Variants in AATK observed in about 807,000 individuals in gnomAD.
The protein encoded by AATK is serine/threonine-protein kinase LMTK1.
A neutral mutation model predicts 114.3 loss-of-function variants in AATK; 91 were observed. That is an observed-to-expected ratio of 0.80 (90% CI 0.67 to 0.95). The LOEUF is 0.95. AATK is among the 40% of genes least tolerant of loss of function. AATK has a pLI of 0.00. For synonymous variants in AATK, 1,075 were observed against 916.5 expected, an observed-to-expected ratio of 1.17 and a Z score of -3.12; for missense variants, 2,176 against 1,965.2, an observed-to-expected ratio of 1.11 and a Z score of -2.03.
In AATK at chr17:81,123,156, C is replaced by A. The variant is rs772304503; in HGVS notation, c.1112+38G>T. ...GCCTGGGGATCAGGATACCCCATCT[C>A]GGCCTGGCTGTCCGGGACAGGGCAG... On this transcript the variant is annotated intron_variant, in intron 10 of 13. Coordinates refer to ENST00000326724, the MANE Select transcript of AATK (RefSeq NM_001080395.3). The A allele has an allele frequency of 2.2e-5, 31 of 1,402,620 alleles. No individual in the cohort carries two copies. The African/African-American group carries it at 4.5e-4, about 20-fold the overall frequency. The allele number at this position is 1,402,620 out of a possible 1,614,324, so 86.9% of individuals were successfully genotyped here.
At chr17:81,134,975 C>T (rs767796489) in intron 1 of AATK, among the ~76,000 whole-genome samples, 5 of 152,194 alleles carry the variant, frequency 3.3e-5, no homozygotes, top group Admixed American at 1.3e-4. Flanking sequence ...AAGGCCCTTC[C>T]AGCCTCTGAG....
In AATK at chr17:81,121,709, G is replaced by T. The variant is rs374375526; in HGVS notation, c.2227C>A (p.Pro743Thr). Residue 743 changes from proline (P) to threonine (T), a missense_variant, in exon 11 of 14, where the codon CCC becomes ACC. Physicochemically the swap from Pro to Thr is conservative, Grantham distance 38 (BLOSUM62 -1). Around this residue, in one of 4 missense-constraint regions of AATK, gnomAD observed 1,701 missense variants for 1,394.7 expected, o/e 1.22. Transcript: ENST00000326724. ...GCAGAGCATAGATGAGGGAGGCCGG[G>T]GCAGCAGCCTGGCTCCTGGGCAGAG... Reference protein sequence around the residue: ...AASAQEPGCCPGLPHLCSAQG... With the variant: ...AASAQEPGCCTGLPHLCSAQG... 2 of 1,494,172 alleles carry T rather than the reference G, an allele frequency of 1.3e-6. No individual in the cohort carries two copies. Among genetic ancestry groups the T allele is most frequent in the East Asian group, 2.4e-5 (1 of 41,314 alleles). The allele number at this position is 1,494,172 out of a possible 1,614,324, so 92.6% of individuals were successfully genotyped here. A position where few individuals can be genotyped will look rare whatever the true frequency, so the allele number is the denominator to read the frequency against.
chr17:81,125,144 G>A lies in AATK; in HGVS notation c.756-130C>T, dbSNP rs2060787942. 9.9e-6 allele frequency: 8 copies of A among 811,604 alleles called. No individual in the cohort carries two copies. In the Admixed American group the frequency reaches 1.3e-4, roughly 13 times the overall value. The allele number at this position is 811,604 out of a possible 1,614,324, so 50.3% of individuals were successfully genotyped here. A position where few individuals can be genotyped will look rare whatever the true frequency, so the allele number is the denominator to read the frequency against. On this transcript the variant is annotated intron_variant, in intron 7 of 13. Coordinates refer to ENST00000326724, the MANE Select transcript of AATK (RefSeq NM_001080395.3). ...GCACAGGGTCCTTTGCCAACACTTG[G>A]ATGGCTCACAGTCCAGGCTGGAAGG...
rs2060687786 is a variant in AATK, at chr17:81,120,639, C to G, written c.3297G>C (p.Gln1099His). The G allele has an allele frequency of 2.0e-6, 3 of 1,531,612 alleles. No individual in the cohort carries two copies. The highest frequency in any genetic ancestry group is 2.6e-6 in the Non-Finnish European group (3 of 1,143,648). The allele number at this position is 1,531,612 out of a possible 1,614,324, so 94.9% of individuals were successfully genotyped here. A position where few individuals can be genotyped will look rare whatever the true frequency, so the allele number is the denominator to read the frequency against. Residue 1099 changes from glutamine (Q) to histidine (H), a missense_variant, in exon 11 of 14, where the codon CAG becomes CAC. By Grantham distance (24) the Gln-to-His change is conservative. This residue lies in a region of AATK where 1,701 missense variants were observed against 1,394.7 expected (regional missense o/e 1.22). Transcript: ENST00000326724. ...GCGGAACCGGGGTCAGCAGGAAAAA[C>G]TGGGAGCAGCTGGGGCTGGGCCCAG... ...VRPGPSPSCS[Q>H]FFLLTPVPLR...
At chr17:81,138,084 G>A (rs1281192283) in intron 1 of AATK, among the ~76,000 whole-genome samples, 2 of 140,896 alleles carry the variant, frequency 1.4e-5, no homozygotes, top group Non-Finnish European at 3.1e-5. Flanking sequence ...CCACACCTGT[G>A]TGCACACACG....
intron 1 of AATK, among the ~76,000 whole-genome samples, chr17:81,138,808 G>A (rs1457076909): frequency 1.4e-5 from 2 of 144,540 alleles, no homozygotes; most frequent in African/African-American, 5.2e-5. Context: ...ACCCACTTGC[G>A]CGTGCACACC....
At chr17:81,119,876 A>G (rs2060674773) in intron 12 of AATK, 60 bp downstream of exon 12, 11 of 1,370,260 alleles carry the variant, frequency 8.0e-6, no homozygotes, top group East Asian at 3.0e-5. Flanking sequence ...CGCCTCCCAC[A>G]CAGCACGGAC....
intron 1 of AATK, among the ~76,000 whole-genome samples, chr17:81,139,294 G>A (rs946597139): frequency 6.6e-6 from 1 of 152,182 alleles, no homozygotes; most frequent in African/African-American, 2.4e-5. Flanking sequence ...TATCTCCTTG[G>A]GACCAGCCCC....
chr17:81,126,730 G>T lies in AATK; in HGVS notation c.622-170C>A, dbSNP rs1489277526. Reference sequence around the variant, plus strand: ...GGCCAGCACCCAGCAGTTCCTGGAGGGGGGCCGTGTCCCCCAGGGCTGGGC... The same window carrying T: ...GGCCAGCACCCAGCAGTTCCTGGAGTGGGGCCGTGTCCCCCAGGGCTGGGC... On this transcript the variant is annotated intron_variant, in intron 6 of 13. Coordinates refer to ENST00000326724, the MANE Select transcript of AATK (RefSeq NM_001080395.3). This position sits in a 1 kb window ranked among gnomAD's most constrained non-coding sequence, Gnocchi z 5.1. 3.5e-6 allele frequency: 5 copies of T among 1,418,434 alleles called. No homozygotes were observed. The highest frequency in any genetic ancestry group is 4.6e-6 in the Non-Finnish European group (5 of 1,088,160). The allele number at this position is 1,418,434 out of a possible 1,614,324, so 87.9% of individuals were successfully genotyped here.
intron 1 of AATK, among the ~76,000 whole-genome samples, chr17:81,163,313 CCTTG>C (rs1339670391): frequency 1.3e-5 from 2 of 152,178 alleles, no homozygotes; most frequent in African/African-American, 4.8e-5. Context: ...CAGCCCCCTC[CCTTG>C]GGGCACTCAG....
In AATK at chr17:81,122,583, C is replaced by T; in HGVS notation, c.1353G>A (p.Glu451=). The T allele has an allele frequency of 1.4e-6, 2 of 1,451,548 alleles. No individual in the cohort carries two copies. Among genetic ancestry groups the T allele is most frequent in the Non-Finnish European group, 1.8e-6 (2 of 1,093,956 alleles). The allele number at this position is 1,451,548 out of a possible 1,614,324, so 89.9% of individuals were successfully genotyped here. The part of the protein sequence containing the change: ...LAAASSFPLL[E]QFAGDGFHAD... ...CGTGGAAGCCGTCGCCCGCGAACTG[C>T]TCCAGCAGCGGGAAGGACGAGGCAG... Residue 451 remains glutamate (E), a synonymous_variant, in exon 11 of 14, where the codon GAG becomes GAA. Transcript: ENST00000326724.
chr17:81,119,421 G>A lies in AATK; in HGVS notation c.4043C>T (p.Ser1348Phe), dbSNP rs780118803. ...TVSPAPTSRF[S>F]ITHVSDSDAE... ...GTCCGAGTCAGACACGTGCGTGATG[G>A]AGAAGCGGGACGTGGGCGCGGGCGA... is the stretch of plus-strand genomic sequence containing the variant. Residue 1348 changes from serine (S) to phenylalanine (F), a missense_variant, in exon 13 of 14, where the codon TCC (serine) becomes TTC (phenylalanine). By Grantham distance (155) the Ser-to-Phe change is radical. This residue lies in a region of AATK where 1,701 missense variants were observed against 1,394.7 expected (regional missense o/e 1.22). Transcript: ENST00000326724. 1.9e-6 allele frequency: 3 copies of A among 1,540,098 alleles called. No individual in the cohort carries two copies. Among genetic ancestry groups the A allele is most frequent in the South Asian group, 1.2e-5 (1 of 83,438 alleles).
chr17:81,124,547 G>T lies in AATK; in HGVS notation c.962+180C>A, dbSNP rs2060767826. On this transcript the variant is annotated intron_variant, in intron 9 of 13. Transcript: ENST00000326724. The stretch of plus-strand genomic sequence containing the variant: ...ATGGGGTCCCTGGGGCACCCTGTCA[G>T]GGTGGTATCTCCCCCGGTGTGGGGT... Among the ~76,000 whole-genome samples, 3 of 152,216 alleles carry T rather than the reference G, an allele frequency of 2.0e-5. No individual in the cohort carries two copies. In the South Asian group the frequency reaches 6.2e-4, roughly 31 times the overall value.
At chr17:81,120,130 G>C (rs1429233983) in intron 11 of AATK, 47 bp from the exon 12 acceptor site, 7 of 1,485,748 alleles carry the variant, frequency 4.7e-6, no homozygotes, top group Non-Finnish European at 6.3e-6. Flanking sequence ...CAGGAGCCGC[G>C]GCCGCTCCCA....
intron 1 of AATK, chr17:81,165,586 G>T: frequency 1.5e-6 from 2 of 1,325,294 alleles, no homozygotes; most frequent in Non-Finnish European, 2.0e-6. Flanking sequence ...CTGAACCCCA[G>T]CTGGCTGACA....
intron 1 of AATK, among the ~76,000 whole-genome samples, chr17:81,161,322 C>T (rs777774475): frequency 2.6e-5 from 4 of 152,180 alleles, no homozygotes; most frequent in Non-Finnish European, 5.9e-5. Context: ...AGCCTCTGCA[C>T]GTGGCCTCCT....
At chr17:81,131,991 C>T (rs1245168388) in intron 2 of AATK, 3 of 1,314,978 alleles carry the variant, frequency 2.3e-6, no homozygotes, top group South Asian at 1.2e-5. Context: ...AGAGCCTGGC[C>T]CCGTGCAGCC....
chr17:81,133,082 C>T (rs550954716), intron 2 of AATK: 40 of 340,876 alleles, frequency 1.2e-4, no homozygotes, highest in East Asian at 5.8e-4. Context: ...CTGGTGCCAG[C>T]GGGTCAGGGG....
In AATK at chr17:81,140,517, A is replaced by G. The variant is rs545989294; in HGVS notation, c.56-6016T>C. Among the ~76,000 whole-genome samples, 154 of 152,260 alleles carry G rather than the reference A, an allele frequency of 1.0e-3. 1 individual carries two copies. Among genetic ancestry groups the G allele is most frequent in the African/African-American group, 3.5e-3 (146 of 41,554 alleles). ...TGGCAAAAGGAGCTTTGCAGGCGGG[A>G]TTTAGGTAAGGACGTGAGGCGGGGC... On this transcript the variant is annotated intron_variant, in intron 1 of 13. Transcript: ENST00000326724.
Sources: gnomAD v4.1 joint callset for allele counts (sites outside exome capture counted in the v4.1 genomes callset) on GRCh38, gnomAD v4.1.1 for gene constraint, gnomAD v4.1.1 regional missense constraint, Gnocchi (gnomAD v3.1) non-coding constraint, MANE v1.5 for transcripts, NCBI Gene and HGNC (gene_info 2026-07-23, HGNC 2026-07-21) for gene names.